Variants in SYNE1 observed in about 807,000 individuals in gnomAD.
The protein encoded by SYNE1 is nesprin-1.
In SYNE1, 616 loss-of-function variants were observed where a neutral mutation model predicts 1,111.0. The observed-to-expected ratio is 0.55, with a 90% CI of 0.52 to 0.59. The LOEUF (loss-of-function observed/expected upper bound fraction) is 0.59. SYNE1 is among the 20% of genes least tolerant of loss of function. The pLI is 0.00. For synonymous variants in SYNE1, 3,855 were observed against 3,825.8 expected (o/e 1.01, Z -0.28); for missense variants, 10,006 against 10,417.0 (o/e 0.96, Z 1.72).
At chr6:152,376,222 G>T (rs142565878) in intron 58 of SYNE1, 159 bp downstream of exon 58, 8 of 683,094 alleles carry the variant, frequency 1.2e-5, no homozygotes, top group Middle Eastern at 4.1e-4. Context: ...AGGCAGTAAC[G>T]CTCATTGGCC....
In SYNE1 at chr6:152,500,364, T is replaced by G. The variant is rs528278353; in HGVS notation, c.889-1572A>C. Among the ~76,000 whole-genome samples the G allele has an allele frequency of 3.9e-5, 6 of 152,346 alleles. No individual in the cohort carries two copies. The East Asian group carries it at 1.2e-3, about 29-fold the overall frequency. Reference sequence around the variant, plus strand: ...ATTTGTGGTGCTTTTTAGAAACAATTACTTTACTAGTAATAACTATAGTTA... The same window carrying G: ...ATTTGTGGTGCTTTTTAGAAACAATGACTTTACTAGTAATAACTATAGTTA... On this transcript the variant is annotated intron_variant, in intron 10 of 145. Coordinates refer to ENST00000367255, the MANE Select transcript of SYNE1 (RefSeq NM_182961.4).
At position 152,391,488 on chromosome 6, in the gene SYNE1, C is replaced by T. The variant is rs1209833519; in HGVS notation, c.7793G>A (p.Cys2598Tyr). 6.2e-7 allele frequency: 1 copy of T among 1,611,372 alleles called. No individual in the cohort carries two copies. The highest frequency in any genetic ancestry group is 8.5e-7 in the Non-Finnish European group (1 of 1,179,372). ...CTGGTGGCTTGTGAGGAGCTGGGAA[C>T]ACAGGCGGCCCTCCTGCCCAGCACC... is the stretch of plus-strand genomic sequence containing the variant. ...GHGAGQEGRL[C>Y]SQLLTSHQNL... The change falls in exon 52 of 146, where the codon TGT becomes TAT. Residue 2598 changes from cysteine (C) to tyrosine (Y), a missense_variant. Coordinates refer to ENST00000367255, the MANE Select transcript of SYNE1 (RefSeq NM_182961.4).
rs1216901317 is a variant in SYNE1 at position 152,136,698 on chromosome 6, T to C, written c.25579A>G (p.Met8527Val). ...SRDLQDRLSQMNGRWDRVCSL... is the reference protein window; with the variant it reads ...SRDLQDRLSQVNGRWDRVCSL... ...CACACTCGGTCCCAGCGCCCATTCA[T>C]CTGCGACAAGCGATCCTGCAGGTCC... The change falls in exon 141 of 146, where the codon ATG (methionine) becomes GTG (valine). Residue 8527 changes from methionine to valine, a missense_variant. By Grantham distance (21) the Met-to-Val change is conservative. Around this residue, in one of 7 missense-constraint regions of SYNE1, gnomAD observed 761 missense variants for 795.5 expected, o/e 0.96. Coordinates refer to ENST00000367255, the MANE Select transcript of SYNE1 (RefSeq NM_182961.4). 5 of 1,614,090 alleles carry C rather than the reference T, an allele frequency of 3.1e-6. No homozygotes were observed. The highest frequency in any genetic ancestry group is 4.2e-6 in the Non-Finnish European group (5 of 1,180,054).
At chr6:152,465,177 C>A in intron 18 of SYNE1, 81 bp downstream of exon 18, 4 of 1,469,202 alleles carry the variant, frequency 2.7e-6, no homozygotes, top group South Asian at 1.1e-5. Context: ...ATATATGCGA[C>A]CCCCTAGTGA....
chr6:152,402,818 TA>T, intron 46 of SYNE1, among the ~76,000 whole-genome samples: 1 of 151,208 alleles, frequency 6.6e-6, no homozygotes, highest in African/African-American at 2.4e-5. Context: ...AAGACTAGAG[TA>T]CACCAATAAC....
rs141397112 is a variant in SYNE1, at chr6:152,472,373, T to C, written c.1391A>G (p.His464Arg). 9.4e-5 allele frequency: 151 copies of C among 1,614,046 alleles called. No homozygotes were observed. The African/African-American group carries it at 1.9e-3, about 20-fold the overall frequency. ...QNTDAHKRAF[H>R]EIYRTRSVNG... is the part of the protein sequence containing the mutation. ...AACAGACCTGGTCCGGTAGATTTCA[T>C]GGAATGCTCTTTTGTGGGCATCCGT... Residue 464 changes from histidine (H) to arginine (R), a missense_variant, in exon 15 of 146, where the codon CAT becomes CGT. Coordinates refer to ENST00000367255, the MANE Select transcript of SYNE1 (RefSeq NM_182961.4).
In SYNE1 at chr6:152,330,013, G is replaced by C; in HGVS notation, c.14672C>G (p.Thr4891Ser). The C allele has an allele frequency of 6.2e-7, 1 of 1,614,142 alleles. No homozygotes were observed. Among genetic ancestry groups the C allele is most frequent in the Non-Finnish European group, 8.5e-7 (1 of 1,180,034 alleles). ...CCAGTCCAGGGAGCGACTCATCTCA[G>C]TCTGGAAGTCTATACTCTGCACCAT... ...SRMVQSIDFQ[T>S]EMSRSLDWLR... The change falls in exon 78 of 146, where the codon ACT (threonine) becomes AGT (serine). Residue 4891 changes from threonine to serine, a missense_variant. Thr to Ser is a moderately conservative substitution (Grantham distance 58, BLOSUM62 1). Around this residue, in one of 7 missense-constraint regions of SYNE1, gnomAD observed 4,955 missense variants for 5,017.2 expected, o/e 0.99. Transcript: ENST00000367255.
At chr6:152,470,994 T>A (rs2098802411) in intron 16 of SYNE1, among the ~76,000 whole-genome samples, 1 of 152,168 alleles carries the variant, frequency 6.6e-6, no homozygotes, top group Non-Finnish European at 1.5e-5. Flanking sequence ...GGTCTATGAT[T>A]CTAGTAAACA....
At chr6:152,589,930 CTTTTTTTT>C (rs35508645) in intron 3 of SYNE1, among the ~76,000 whole-genome samples, 2 of 134,018 alleles carry the variant, frequency 1.5e-5, no homozygotes, top group Admixed American at 1.5e-4. Context: ...CTAAACATTT[CTTTTTTTT>C]TTTTTTTTTT....
intron 127 of SYNE1, among the ~76,000 whole-genome samples, chr6:152,193,476 C>A (rs2763018): frequency 0.064 from 9,718 of 152,090 alleles, 643 homozygotes; most frequent in African/African-American, 0.17. Flanking sequence ...CGCCACCCCA[C>A]CTGGTTAATT....
intron 140 of SYNE1, among the ~76,000 whole-genome samples, 200 bp downstream of exon 140, chr6:152,139,750 A>AAAGAAAGAAGG (rs1237531271): frequency 2.9e-4 from 42 of 144,706 alleles, no homozygotes; most frequent in Middle Eastern, 3.6e-3. Context: ...AGAAAGAAAG[A>AAAGAAAGAAGG]AAAGAAAAAA....
chr6:152,287,113 G>A (rs540176705), intron 95 of SYNE1, among the ~76,000 whole-genome samples: 13 of 152,216 alleles, frequency 8.5e-5, no homozygotes, highest in South Asian at 2.1e-4. Flanking sequence ...TAAAGTATCC[G>A]TCTGTGATGG....
At chr6:152,351,364 A>G (rs1391606875) in intron 70 of SYNE1, among the ~76,000 whole-genome samples, 1 of 152,232 alleles carries the variant, frequency 6.6e-6, no homozygotes, top group East Asian at 1.9e-4. Context: ...CAACAGGGAA[A>G]GCTTTGGGGT....
chr6:152,474,496 C>G (rs781732942), intron 14 of SYNE1: 3 of 152,148 alleles, frequency 2.0e-5, no homozygotes, highest in African/African-American at 4.8e-5. Flanking sequence ...GAGATCTCCT[C>G]CATTTAGTCA....
chr6:152,190,473 G>T (rs1474523869), intron 127 of SYNE1, among the ~76,000 whole-genome samples: 2 of 152,004 alleles, frequency 1.3e-5, no homozygotes, highest in Non-Finnish European at 2.9e-5. Context: ...ATTTTTGTGG[G>T]TACATAGTAG....
At chr6:152,596,514 C>T (rs1181929280) in intron 3 of SYNE1, among the ~76,000 whole-genome samples, 9 of 152,088 alleles carry the variant, frequency 5.9e-5, no homozygotes, top group Non-Finnish European at 7.4e-5. Flanking sequence ...CCTTGGCCTC[C>T]CAAAGTGCTG....
chr6:152,158,187 G>C (rs1474335738), intron 131 of SYNE1, among the ~76,000 whole-genome samples: 1 of 152,120 alleles, frequency 6.6e-6, no homozygotes. Flanking sequence ...ATTGTATGTT[G>C]TTTTCTCTAT....
At chr6:152,235,739 C>CTTAT (rs922745232) in intron 110 of SYNE1, among the ~76,000 whole-genome samples, 7 of 151,658 alleles carry the variant, frequency 4.6e-5, no homozygotes, top group East Asian at 2.0e-4. Context: ...ATCTACTTGC[C>CTTAT]TTATTTATTT....
intron 145 of SYNE1, among the ~76,000 whole-genome samples, chr6:152,123,794 G>C (rs923083574): frequency 5.9e-5 from 9 of 152,178 alleles, no homozygotes; most frequent in Admixed American, 2.0e-4. Flanking sequence ...TTGTATGTGA[G>C]GCTACTGAAA....
Sources: gnomAD v4.1 joint callset for allele counts (sites outside exome capture counted in the v4.1 genomes callset) on GRCh38, gnomAD v4.1.1 for gene constraint, gnomAD v4.1.1 regional missense constraint, MANE v1.5 for transcripts, NCBI Gene and HGNC (gene_info 2026-07-23, HGNC 2026-07-21) for gene names.